The following ICE2 variants were observed in gnomAD, a reference collection of about 807,000 sequenced individuals.
ICE2 encodes little elongation complex subunit 2.
A neutral mutation model predicts 105.4 loss-of-function variants in ICE2; 87 were observed. That is an observed-to-expected ratio of 0.83 (90% CI 0.69 to 0.99). The LOEUF is 0.99. Ranked by LOEUF, ICE2 falls within the 50% of genes least tolerant of loss-of-function variation. The probability of loss-of-function intolerance (pLI) is 0.00; values close to 1 mark genes in which losing one functional copy is unlikely to be tolerated. For missense variants in ICE2, 1,323 were observed against 1,146.7 expected (o/e 1.15, Z -2.22); for synonymous variants, 399 against 392.0 (o/e 1.02, Z -0.21).
intron 3 of ICE2, among the ~76,000 whole-genome samples, chr15:60,472,715 C>T (rs907636731): frequency 6.6e-6 from 1 of 152,080 alleles, no homozygotes; most frequent in Non-Finnish European, 1.5e-5. Context: ...AAACTTGGCA[C>T]ACTGGCGTGC....
chr15:60,465,537 A>G (rs1196468608), intron 5 of ICE2, among the ~76,000 whole-genome samples: 2 of 152,036 alleles, frequency 1.3e-5, no homozygotes, highest in African/African-American at 4.8e-5. Flanking sequence ...TTCAACTTAG[A>G]CTGGCTAGTT....
At chr15:60,476,249 T>C in intron 2 of ICE2, 82 bp from the exon 3 acceptor site, 1 of 838,392 alleles carries the variant, frequency 1.2e-6, no homozygotes, top group Non-Finnish European at 1.9e-6. Context: ...CAATTGTAAC[T>C]TACAATTTCA....
chr15:60,423,686 G>A lies in ICE2; in HGVS notation c.2897C>T (p.Ala966Val). ...SMETKSSCLP[A>V]QQVETEGVAP... Reference sequence around the variant, plus strand: ...CACTCCTTCAGTTTCAACTTGCTGAGCAGGCAAGCAACTGCTTTTGGTTTC... The same window carrying A: ...CACTCCTTCAGTTTCAACTTGCTGAACAGGCAAGCAACTGCTTTTGGTTTC... Residue 966 changes from alanine (A) to valine (V), a missense_variant, in exon 16 of 16, where the codon GCT becomes GTT. By Grantham distance (64) the Ala-to-Val change is moderately conservative. Coordinates refer to ENST00000261520, the MANE Select transcript of ICE2 (RefSeq NM_024611.6). 6.2e-7 allele frequency: 1 copy of A among 1,610,686 alleles called. No homozygotes were observed. The highest frequency in any genetic ancestry group is 8.5e-7 in the Non-Finnish European group (1 of 1,179,308).
At position 60,420,558 on chromosome 15, in the gene ICE2, T is replaced by C. The variant is rs1163752953; in HGVS notation, c.*3076A>G. 3 of 152,262 alleles carry C rather than the reference T, an allele frequency of 2.0e-5. No individual in the cohort carries two copies. The highest frequency in any genetic ancestry group is 3.8e-4 in the East Asian group (2 of 5,200). The allele number at this position is 152,262 out of a possible 1,614,324, so 9.4% of individuals were successfully genotyped here. On this transcript the variant is annotated 3_prime_UTR_variant, in exon 16 of 16. Coordinates refer to ENST00000261520, the MANE Select transcript of ICE2 (RefSeq NM_024611.6). ...ACAAAGTTCAAATGTCTTAGCACAG[T>C]GTTTCTGTCCCTATCCTGCAGTTTT...
At position 60,468,296 on chromosome 15, in the gene ICE2, G is replaced by A. The variant is rs772213329; in HGVS notation, c.173C>T (p.Ser58Leu). The change falls in exon 4 of 16, where the codon TCA becomes TTA. Residue 58 changes from serine to leucine, a missense_variant. Physicochemically the swap from Ser to Leu is moderately radical, Grantham distance 145. Transcript: ENST00000261520. ...CGGCTCATTTTCTACAGAACTTGCTGAGGCATTCAAATTTTCTCCTATACG... is the reference window on the plus strand; with the variant it reads ...CGGCTCATTTTCTACAGAACTTGCTAAGGCATTCAAATTTTCTCCTATACG... ...NRRIGENLNA[S>L]ASSVENEPAV... 3.1e-6 allele frequency: 5 copies of A among 1,608,232 alleles called. No individual in the cohort carries two copies. Among genetic ancestry groups the A allele is most frequent in the East Asian group, 4.5e-5 (2 of 44,676 alleles).
At chr15:60,447,938 A>G (rs369213438) in intron 11 of ICE2, 32 bp downstream of exon 11, 7 of 1,556,810 alleles carry the variant, frequency 4.5e-6, no homozygotes, top group Non-Finnish European at 5.3e-6. Flanking sequence ...TATTTATGTG[A>G]TCATATTCTA....
Position 60,423,715 on chromosome 15 carries a change from G to A in ICE2, c.2868C>T (p.Ser956=). The change falls in exon 16 of 16, where the codon TCC becomes TCT. Residue 956 remains serine (S), a synonymous_variant. Coordinates refer to ENST00000261520, the MANE Select transcript of ICE2 (RefSeq NM_024611.6). ...GCAAGCAACTGCTTTTGGTTTCCAT[G>A]GAAACTGGATTCCTGTGGCTGCGTG... ...MPTRSHRNPV[S]METKSSCLPA... is the part of the protein sequence containing the mutation. 3 of 1,602,890 alleles carry A rather than the reference G, an allele frequency of 1.9e-6. No individual in the cohort carries two copies. The highest frequency in any genetic ancestry group is 2.5e-6 in the Non-Finnish European group (3 of 1,177,198).
At chr15:60,435,176 G>A (rs1302483612) in intron 13 of ICE2, among the ~76,000 whole-genome samples, 1 of 152,184 alleles carries the variant, frequency 6.6e-6, no homozygotes, top group Non-Finnish European at 1.5e-5. Flanking sequence ...AGCTACTCTG[G>A]AGGCTGAGGC....
intron 11 of ICE2, among the ~76,000 whole-genome samples, chr15:60,445,257 T>C (rs928944060): frequency 1.3e-5 from 2 of 152,232 alleles, no homozygotes; most frequent in East Asian, 3.8e-4. Flanking sequence ...GTAATTTTGC[T>C]GAATTAGTTT....
At chr15:60,443,112 G>A (rs2063752881) in intron 11 of ICE2, 2 of 152,152 alleles carry the variant, frequency 1.3e-5, no homozygotes, top group African/African-American at 2.4e-5. Context: ...TTTCAGACAC[G>A]AAGTATCTGA....
chr15:60,449,672 G>C lies in ICE2; in HGVS notation c.1295C>G (p.Pro432Arg), dbSNP rs755026443. The stretch of plus-strand genomic sequence containing the variant: ...TGTAGTTCCTGCTTTGGGGGCTGTA[G>C]GAGCATCTGTCATGTTAGGTACTGT... ...TSTVPNMTDA[P>R]TAPKAGTTTV... Residue 432 changes from proline (P) to arginine (R), a missense_variant, in exon 10 of 16, where the codon CCT (proline) becomes CGT (arginine). By Grantham distance (103) the Pro-to-Arg change is moderately radical. Coordinates refer to ENST00000261520, the MANE Select transcript of ICE2 (RefSeq NM_024611.6). 26 of 1,613,948 alleles carry C rather than the reference G, an allele frequency of 1.6e-5. No homozygotes were observed. Among genetic ancestry groups the C allele is most frequent in the Non-Finnish European group, 2.2e-5 (26 of 1,180,024 alleles).
chr15:60,450,098 A>G (rs1235453091), intron 9 of ICE2, among the ~76,000 whole-genome samples: 1 of 152,196 alleles, frequency 6.6e-6, no homozygotes, highest in East Asian at 1.9e-4. Context: ...ATATTTACAA[A>G]CTACCACATC....
At position 60,476,158 on chromosome 15, in the gene ICE2, GGAAATATCCCTGT is replaced by G; in HGVS notation, c.42-4_50del. On this transcript the variant is annotated splice_acceptor_variant and splice_polypyrimidine_tract_variant and coding_sequence_variant and intron_variant, in exon 3 of 16. Transcript: ENST00000261520. LOFTEE classifies it high-confidence loss of function. ...AAAATGTCTTAAGGCCATTTTTGGGGGAAATATCCCTGTGAAACAAAGTAATTTACTTACATTT... is the reference window on the plus strand; with the variant it reads ...AAAATGTCTTAAGGCCATTTTTGGGGGAAACAAAGTAATTTACTTACATTT... 1 of 1,591,974 alleles carries G rather than the reference GGAAATATCCCTGT, an allele frequency of 6.3e-7. No individual in the cohort carries two copies. Among genetic ancestry groups the G allele is most frequent in the East Asian group, 2.3e-5 (1 of 44,346 alleles).
At chr15:60,453,388 AG>A in intron 9 of ICE2, 1 of 1,341,516 alleles carries the variant, frequency 7.5e-7, no homozygotes, top group Non-Finnish European at 9.5e-7. Flanking sequence ...CTTGTCAAGT[AG>A]GTACTACTTC....
intron 15 of ICE2, among the ~76,000 whole-genome samples, chr15:60,426,111 G>C (rs990791732): frequency 1.3e-5 from 2 of 152,178 alleles, no homozygotes; most frequent in East Asian, 3.8e-4. Flanking sequence ...TTGAACTGTT[G>C]TAATTATGTG....
intron 11 of ICE2, chr15:60,445,746 CTT>C (rs1379726016): frequency 1.0e-6 from 1 of 985,166 alleles, no homozygotes; most frequent in Non-Finnish European, 1.2e-6. Flanking sequence ...CTAGGCTATT[CTT>C]ACTTAAGAGA....
chr15:60,429,821 TTTC>T (rs1461725967), intron 14 of ICE2, among the ~76,000 whole-genome samples: 1 of 152,186 alleles, frequency 6.6e-6, no homozygotes, highest in Non-Finnish European at 1.5e-5. Context: ...ATAAATAACA[TTTC>T]AAAGATTGAG....
At position 60,468,128 on chromosome 15, in the gene ICE2, T is replaced by C; in HGVS notation, c.341A>G (p.Lys114Arg). ...EQRSYVDLLV[K>R]YAKIPANSKA... ...GGAATTTGCAGGAATCTTTGCGTAT[T>C]TAACCAACAAGTCCACATAACTCCT... The change falls in exon 4 of 16, where the codon AAA (lysine) becomes AGA (arginine). Residue 114 changes from lysine (K) to arginine (R), a missense_variant. Lys to Arg is a conservative substitution (Grantham distance 26, BLOSUM62 2). Coordinates refer to ENST00000261520, the MANE Select transcript of ICE2 (RefSeq NM_024611.6). The C allele has an allele frequency of 1.2e-6, 2 of 1,614,066 alleles. No homozygotes were observed. The highest frequency in any genetic ancestry group is 1.7e-6 in the Non-Finnish European group (2 of 1,179,972).
At position 60,423,815 on chromosome 15, in the gene ICE2, T is replaced by C. The variant is rs1481191443; in HGVS notation, c.2821-53A>G. The C allele has an allele frequency of 6.3e-6, 9 of 1,439,212 alleles. No homozygotes were observed. In the East Asian group the frequency reaches 1.8e-4, roughly 28 times the overall value. The allele number at this position is 1,439,212 out of a possible 1,614,324, so 89.2% of individuals were successfully genotyped here. The stretch of plus-strand genomic sequence containing the variant: ...GCTTAATGTATCTACAACATACCTA[T>C]ATACAGTCAACTCTGTAGTATTTAT... On this transcript the variant is annotated intron_variant, in intron 15 of 15. Coordinates refer to ENST00000261520, the MANE Select transcript of ICE2 (RefSeq NM_024611.6).
Sources: gnomAD v4.1 joint callset for allele counts (sites outside exome capture counted in the v4.1 genomes callset) on GRCh38, gnomAD v4.1.1 for gene constraint, MANE v1.5 for transcripts, NCBI Gene and HGNC (gene_info 2026-07-23, HGNC 2026-07-21) for gene names.